Variants in ZFHX3 observed in about 807,000 individuals in gnomAD.
ZFHX3 encodes the protein zinc finger homeobox protein 3.
A neutral mutation model predicts 279.1 loss-of-function variants in ZFHX3; 42 were observed. That is an observed-to-expected ratio of 0.15 (90% CI 0.12 to 0.19). The LOEUF (loss-of-function observed/expected upper bound fraction) is 0.19, where lower values mean the gene tolerates loss of function less well. Ranked by LOEUF, ZFHX3 falls within the 10% of genes least tolerant of loss-of-function variation. The pLI, the probability that ZFHX3 is intolerant of heterozygous loss-of-function variation, is 1.00. For missense variants in ZFHX3, 4,981 were observed against 4,754.0 expected (o/e 1.05, Z -1.40); for synonymous variants, 2,293 against 1,957.8 (o/e 1.17, Z -4.52).
intron 1 of ZFHX3, among the ~76,000 whole-genome samples, chr16:73,010,365 C>T (rs565347815): frequency 2.0e-5 from 3 of 152,306 alleles, no homozygotes; most frequent in Non-Finnish European, 2.9e-5. Flanking sequence ...AAACAAAAGA[C>T]GGATGACAGG....
chr16:73,629,550 G>A (rs944194128), intron 2 of ZFHX3, among the ~76,000 whole-genome samples: 6 of 151,986 alleles, frequency 3.9e-5, no homozygotes, highest in Non-Finnish European at 7.4e-5. Context: ...CACCTGCCAC[G>A]GAGCTAGTCA....
Position 73,114,144 on chromosome 16 carries a change from C to T in ZFHX3, c.-897+16824G>A, listed in dbSNP as rs546814407. 5.7e-4 allele frequency among the ~76,000 whole-genome samples: 87 copies of T among 151,434 alleles called. 2 individuals are homozygous for T. The highest frequency in any genetic ancestry group is 2.0e-3 in the African/African-American group (82 of 41,286). On this transcript the variant is annotated intron_variant, in intron 7 of 17. Transcript: ENST00000641206. ...CTCACTCTGTTGCCCAGGCTGGTCT[C>T]GAACTCCTGGGCTCAAGTGACCCTC...
At chr16:73,125,166 A>C (rs1966547498) in intron 7 of ZFHX3, 1 of 150,312 alleles carries the variant, frequency 6.7e-6, no homozygotes, top group Non-Finnish European at 1.5e-5. Flanking sequence ...GAAGAAACCA[A>C]GAGCTGTGGG....
intron 2 of ZFHX3, among the ~76,000 whole-genome samples, chr16:73,510,639 T>A (rs1171697425): frequency 6.6e-6 from 1 of 152,196 alleles, no homozygotes; most frequent in East Asian, 1.9e-4. Flanking sequence ...AAGGGAGAAA[T>A]CTGTATCACT....
At chr16:73,467,200 G>T (rs984144225) in intron 2 of ZFHX3, among the ~76,000 whole-genome samples, 1 of 152,228 alleles carries the variant, frequency 6.6e-6, no homozygotes, top group East Asian at 1.9e-4. Flanking sequence ...GACCTATGGA[G>T]CTCACGGAAA....
At chr16:73,487,578 T>C (rs1361438462) in intron 2 of ZFHX3, 1 of 318,240 alleles carries the variant, frequency 3.1e-6, no homozygotes. Flanking sequence ...TTTTTTATTT[T>C]TATTATTTTG....
chr16:73,032,674 A>C (rs754753927), intron 1 of ZFHX3, among the ~76,000 whole-genome samples: 4 of 145,788 alleles, frequency 2.7e-5, no homozygotes, highest in African/African-American at 7.5e-5. Flanking sequence ...TCAGCATTTA[A>C]AAAAAGAACA....
intron 2 of ZFHX3, among the ~76,000 whole-genome samples, chr16:73,650,848 T>C (rs1423829498): frequency 3.3e-5 from 5 of 152,036 alleles, no homozygotes; most frequent in Non-Finnish European, 7.4e-5. Context: ...TTCAAGGACA[T>C]TAAATAGCTC....
intron 1 of ZFHX3, among the ~76,000 whole-genome samples, chr16:73,773,870 G>T (rs2054047766): frequency 6.6e-6 from 1 of 152,108 alleles, no homozygotes; most frequent in African/African-American, 2.4e-5. Context: ...AGATGCAGTG[G>T]CTCATGCCTG....
rs1243425283 is a variant in ZFHX3 at position 73,045,803 on chromosome 16, A to G, written c.-50+1949T>C. On this transcript the variant is annotated intron_variant, in intron 1 of 9. Transcript: ENST00000268489. ...CAGCCATTTCAAAAAAAAAAAAAAA[A>G]GTGGGGGGGGGTTGTTGAGAGAGGG... Among the ~76,000 whole-genome samples the G allele has an allele frequency of 2.6e-5, 3 of 114,166 alleles. 1 individual carries two copies. The highest frequency in any genetic ancestry group is 3.9e-5 in the African/African-American group (1 of 25,906). The allele number at this position is 114,166 out of a possible 152,430, so 74.9% of individuals were successfully genotyped here. A position where few individuals can be genotyped will look rare whatever the true frequency, so the allele number is the denominator to read the frequency against.
At chr16:73,333,122 A>G (rs1380082293) in intron 3 of ZFHX3, among the ~76,000 whole-genome samples, 2 of 152,218 alleles carry the variant, frequency 1.3e-5, no homozygotes, top group African/African-American at 4.8e-5. Flanking sequence ...AAATAGTTAC[A>G]TAGATACATA....
intron 3 of ZFHX3, among the ~76,000 whole-genome samples, chr16:72,943,604 A>G (rs1203777001): frequency 6.6e-6 from 1 of 152,200 alleles, no homozygotes; most frequent in Non-Finnish European, 1.5e-5. Flanking sequence ...AACAATGAAA[A>G]GGGACTTACT....
intron 5 of ZFHX3, among the ~76,000 whole-genome samples, chr16:73,210,255 C>A (rs542429835): frequency 6.6e-6 from 1 of 152,152 alleles, no homozygotes; most frequent in African/African-American, 2.4e-5. Flanking sequence ...ACTGCTGGAT[C>A]GGGTTAGCTG....
In ZFHX3 at chr16:72,795,259, C is replaced by T. The variant is rs1205019479; in HGVS notation, c.7423G>A (p.Val2475Met). 1.2e-6 allele frequency: 2 copies of T among 1,612,220 alleles called. No homozygotes were observed. Among genetic ancestry groups the T allele is most frequent in the South Asian group, 1.1e-5 (1 of 90,946 alleles). The change falls in exon 9 of 10, where the codon GTG becomes ATG. Residue 2475 changes from valine to methionine, a missense_variant. By Grantham distance (21) the Val-to-Met change is conservative. Transcript: ENST00000268489. ...NTPQQKLPQLVSLPSLPQPPP... is the reference protein window; with the variant it reads ...NTPQQKLPQLMSLPSLPQPPP... ...GGCTGTGGCAACGAAGGCAGGGACACCAGCTGGGGGAGCTTCTGCTGGGGA... is the reference window on the plus strand; with the variant it reads ...GGCTGTGGCAACGAAGGCAGGGACATCAGCTGGGGGAGCTTCTGCTGGGGA...
intron 4 of ZFHX3, among the ~76,000 whole-genome samples, chr16:73,286,374 A>G (rs2014596372): frequency 1.3e-5 from 2 of 152,250 alleles, no homozygotes; most frequent in South Asian, 2.1e-4. Flanking sequence ...GGCGGCCCCA[A>G]ATTAGGGAAA....
chr16:73,127,470 T>C (rs1265751491), intron 7 of ZFHX3: 11 of 1,305,378 alleles, frequency 8.4e-6, no homozygotes, highest in Non-Finnish European at 1.1e-5. Flanking sequence ...GAGCCGGGCA[T>C]CGACAGGCAA....
chr16:72,959,626 G>C lies in ZFHX3; in HGVS notation c.520C>G (p.Leu174Val), dbSNP rs1417193236. 6.2e-7 allele frequency: 1 copy of C among 1,614,130 alleles called. No homozygotes were observed. The highest frequency in any genetic ancestry group is 8.5e-7 in the Non-Finnish European group (1 of 1,180,030). The stretch of plus-strand genomic sequence containing the variant: ...CCTTGCTTGCCCCCCGCGCCAGGGA[G>C]AGAGTTCAGGAAAAGCGAGGGGAGA... ...GPLPSLFLNS[L>V]PGAGGKQGDP... is the part of the protein sequence containing the mutation. The change falls in exon 2 of 10, where the codon CTC becomes GTC. Residue 174 changes from leucine to valine, a missense_variant. Physicochemically the swap from Leu to Val is conservative, Grantham distance 32. Transcript: ENST00000268489.
chr16:73,154,925 G>T (rs774207251), intron 5 of ZFHX3, among the ~76,000 whole-genome samples: 2 of 152,098 alleles, frequency 1.3e-5, no homozygotes, highest in Non-Finnish European at 2.9e-5. Flanking sequence ...TGTAATCCTA[G>T]CACTTTGAGA....
chr16:73,319,473 G>A (rs2015527907), intron 3 of ZFHX3, among the ~76,000 whole-genome samples: 1 of 152,120 alleles, frequency 6.6e-6, no homozygotes, highest in South Asian at 2.1e-4. Flanking sequence ...GGGCTTCCGA[G>A]CGTTGTTGAG....
Sources: gnomAD v4.1 joint callset for allele counts (sites outside exome capture counted in the v4.1 genomes callset) on GRCh38, gnomAD v4.1.1 for gene constraint, MANE v1.5 for transcripts, NCBI Gene and HGNC (gene_info 2026-07-23, HGNC 2026-07-21) for gene names.